Variants in PIP4K2A observed in about 807,000 individuals in gnomAD.
The protein encoded by PIP4K2A is phosphatidylinositol-5-phosphate 4-kinase type 2 alpha, also known as phosphatidylinositol 5-phosphate 4-kinase type-2 alpha.
In PIP4K2A, 14 loss-of-function variants were observed where a neutral mutation model predicts 42.9. The observed-to-expected ratio is 0.33, with a 90% CI of 0.22 to 0.51. The LOEUF is 0.51. Ranked by LOEUF, PIP4K2A falls within the 20% of genes least tolerant of loss-of-function variation. The pLI is 0.97. For missense variants in PIP4K2A, 434 were observed against 519.8 expected (o/e 0.83, Z 1.61); for synonymous variants, 192 against 192.2 (o/e 1.00, Z 0.01).
intron 2 of PIP4K2A, among the ~76,000 whole-genome samples, chr10:22,608,338 AGGGAAAAGCACAATGGC>A (rs1837955227): frequency 6.6e-6 from 1 of 152,182 alleles, no homozygotes; most frequent in African/African-American, 2.4e-5. Context: ...GGGAGCAGTG[AGGGAAAAGCACAATGGC>A]GGGAGAGTGA....
chr10:22,572,489 G>A (rs190113061), intron 5 of PIP4K2A, among the ~76,000 whole-genome samples: 30 of 152,202 alleles, frequency 2.0e-4, no homozygotes, highest in Non-Finnish European at 2.1e-4. Flanking sequence ...ATGGTGGTGC[G>A]TGCCTGTGGT....
chr10:22,690,344 C>T (rs531251376), intron 1 of PIP4K2A, among the ~76,000 whole-genome samples: 16 of 152,276 alleles, frequency 1.1e-4, no homozygotes, highest in African/African-American at 3.4e-4. Context: ...TAAATCTGAA[C>T]TCAGGCACTA....
intron 1 of PIP4K2A, among the ~76,000 whole-genome samples, chr10:22,616,206 G>T (rs570401790): frequency 1.3e-4 from 20 of 152,140 alleles, no homozygotes; most frequent in Non-Finnish European, 2.2e-4. Flanking sequence ...AGCAGAGGGG[G>T]AGCTGACATG....
intron 1 of PIP4K2A, among the ~76,000 whole-genome samples, chr10:22,664,046 T>TAC (rs1379690221): frequency 9.8e-5 from 9 of 91,504 alleles, no homozygotes; most frequent in South Asian, 2.7e-4. Flanking sequence ...TATATATATA[T>TAC]ACATATGTAT....
chr10:22,580,124 G>A (rs1226707604), intron 4 of PIP4K2A, among the ~76,000 whole-genome samples: 6 of 151,820 alleles, frequency 4.0e-5, no homozygotes, highest in African/African-American at 1.2e-4. Flanking sequence ...TCAGAGACAC[G>A]GGTTGTATCT....
chr10:22,655,318 C>T (rs754440618), intron 1 of PIP4K2A, among the ~76,000 whole-genome samples: 1 of 152,236 alleles, frequency 6.6e-6, no homozygotes, highest in Non-Finnish European at 1.5e-5. Context: ...CCTGTCTATG[C>T]AGCCATGCAC....
rs528435755 is a variant in PIP4K2A, at chr10:22,588,741, T to C, written c.492+2888A>G. Among the ~76,000 whole-genome samples the C allele has an allele frequency of 2.0e-5, 3 of 152,352 alleles. No individual in the cohort carries two copies. In the South Asian group the frequency reaches 6.2e-4, roughly 32 times the overall value. On this transcript the variant is annotated intron_variant, in intron 4 of 9. Coordinates refer to ENST00000376573, the MANE Select transcript of PIP4K2A (RefSeq NM_005028.5). ...TCTATGTCTCCTGACTTCTACTTAG[T>C]GCCCTTTAAATAATTTATATTAATA...
chr10:22,668,331 C>T (rs1354299409), intron 1 of PIP4K2A, among the ~76,000 whole-genome samples: 2 of 152,156 alleles, frequency 1.3e-5, no homozygotes, highest in Non-Finnish European at 2.9e-5. Context: ...CCCAGTAGGC[C>T]TTTTCATCAC....
intron 1 of PIP4K2A, among the ~76,000 whole-genome samples, chr10:22,676,330 C>T (rs1380897288): frequency 6.6e-6 from 1 of 152,164 alleles, no homozygotes; most frequent in East Asian, 1.9e-4. Context: ...AAGTTGTTCA[C>T]AGTGATGACC....
At chr10:22,583,678 G>A (rs1218995164) in intron 4 of PIP4K2A, among the ~76,000 whole-genome samples, 1 of 152,168 alleles carries the variant, frequency 6.6e-6, no homozygotes, top group African/African-American at 2.4e-5. Context: ...AAGAGCTTCC[G>A]TAAATTAGGG....
At chr10:22,621,932 C>A (rs1273837792) in intron 1 of PIP4K2A, among the ~76,000 whole-genome samples, 1 of 152,192 alleles carries the variant, frequency 6.6e-6, no homozygotes, top group Non-Finnish European at 1.5e-5. Context: ...CAGCATCCAT[C>A]CTGAAAGAAC....
At position 22,714,470 on chromosome 10, in the gene PIP4K2A, G is replaced by GCTCAGCCCCA. The variant is rs1833973771; in HGVS notation, c.-154_-145dup. ...CCGCTCCGCCCGCCGCCGCCGGCGC[G>GCTCAGCCCCA]CTCAGCCCCACTCGGCTCGCTCCGC... is the stretch of plus-strand genomic sequence containing the variant. On this transcript the variant is annotated 5_prime_UTR_variant, in exon 1 of 10. Coordinates refer to ENST00000376573, the MANE Select transcript of PIP4K2A (RefSeq NM_005028.5). 3.2e-6 allele frequency: 1 copy of GCTCAGCCCCA among 308,374 alleles called. No homozygotes were observed. The highest frequency in any genetic ancestry group is 2.3e-5 in the African/African-American group (1 of 43,712). 19.1% of individuals were successfully genotyped at this position (308,374 alleles called of 1,614,324 possible).
intron 4 of PIP4K2A, among the ~76,000 whole-genome samples, chr10:22,574,322 T>A (rs1199351422): frequency 1.3e-5 from 2 of 152,166 alleles, no homozygotes; most frequent in African/African-American, 4.8e-5. Flanking sequence ...ATAAACAGCA[T>A]AAATGGTGAG....
At chr10:22,569,081 A>T in intron 5 of PIP4K2A, 1 of 1,515,464 alleles carries the variant, frequency 6.6e-7, no homozygotes, top group Non-Finnish European at 8.9e-7. Context: ...ATTTTTGATT[A>T]CTGGCTTTCA....
At chr10:22,698,751 A>T (rs1262196916) in intron 1 of PIP4K2A, among the ~76,000 whole-genome samples, 1 of 152,216 alleles carries the variant, frequency 6.6e-6, no homozygotes, top group Admixed American at 6.5e-5. Context: ...AGATTTTTTT[A>T]AAAAGACATT....
intron 1 of PIP4K2A, among the ~76,000 whole-genome samples, chr10:22,667,463 A>G (rs1011317892): frequency 6.6e-6 from 1 of 152,204 alleles, no homozygotes; most frequent in Non-Finnish European, 1.5e-5. Flanking sequence ...CTTTCATCCA[A>G]AAGATTAAAG....
chr10:22,628,050 T>C (rs1838482457), intron 1 of PIP4K2A, among the ~76,000 whole-genome samples: 1 of 152,198 alleles, frequency 6.6e-6, no homozygotes, highest in African/African-American at 2.4e-5. Context: ...TTATAAACTT[T>C]TAAAGTGATT....
chr10:22,626,307 G>C (rs1838436377), intron 1 of PIP4K2A, among the ~76,000 whole-genome samples: 2 of 151,952 alleles, frequency 1.3e-5, no homozygotes, highest in African/African-American at 4.8e-5. Flanking sequence ...CTCATATACT[G>C]AATTAATCAT....
At chr10:22,559,620 G>A (rs1168554915) in intron 6 of PIP4K2A, among the ~76,000 whole-genome samples, 1 of 151,922 alleles carries the variant, frequency 6.6e-6, no homozygotes, top group Non-Finnish European at 1.5e-5. Flanking sequence ...ATGGTTTATG[G>A]GGTTCTTATC....
Sources: gnomAD v4.1 joint callset for allele counts (sites outside exome capture counted in the v4.1 genomes callset) on GRCh38, gnomAD v4.1.1 for gene constraint, MANE v1.5 for transcripts, NCBI Gene and HGNC (gene_info 2026-07-23, HGNC 2026-07-21) for gene names.